The following PCDHA4 variants were observed in gnomAD, a reference collection of about 807,000 sequenced individuals.
The protein encoded by PCDHA4 is protocadherin alpha-4.
PCDHA4 carries 49 observed loss-of-function variants against 61.4 expected under a neutral mutation model. The ratio of observed to expected loss-of-function variants is 0.80; its 90% CI spans 0.63 to 1.01. The LOEUF is 1.01. Among genes scored for constraint, PCDHA4 ranks in the 50% least tolerant of loss-of-function variants. The pLI, the probability that PCDHA4 is intolerant of heterozygous loss-of-function variation, is 0.00. For synonymous variants in PCDHA4, 590 were observed against 550.3 expected, an observed-to-expected ratio of 1.07 and a Z score of -1.01; for missense variants, 1,254 against 1,235.8, an observed-to-expected ratio of 1.01 and a Z score of -0.22.
At chr5:140,906,766 C>T (rs1162031965) in intron 1 of PCDHA4, among the ~76,000 whole-genome samples, 1 of 152,224 alleles carries the variant, frequency 6.6e-6, no homozygotes, top group African/African-American at 2.4e-5. Flanking sequence ...TACTAAGAGA[C>T]ACCCTAAGGG....
rs2044359336 is a variant in PCDHA4 at position 140,857,099 on chromosome 5, G to A, written c.2385+47527G>A. On this transcript the variant is annotated intron_variant, in intron 1 of 3. Transcript: ENST00000530339. ...AAATGATAATTCACCTGAGGTGATT[G>A]TCACTTCTCTGTCTCTCCCAGTGAA... 2 of 1,597,238 alleles carry A rather than the reference G, an allele frequency of 1.3e-6. No homozygotes were observed. The highest frequency in any genetic ancestry group is 3.4e-5 in the Admixed American group (2 of 59,246).
chr5:140,862,256 A>C (rs2047276539), intron 1 of PCDHA4: 1 of 223,718 alleles, frequency 4.5e-6, no homozygotes, highest in Non-Finnish European at 8.9e-6. Context: ...TTCCAGAGTT[A>C]GCAGTAAGTC....
intron 1 of PCDHA4, among the ~76,000 whole-genome samples, chr5:140,898,221 T>C (rs1238265746): frequency 6.6e-6 from 1 of 152,230 alleles, no homozygotes; most frequent in South Asian, 2.1e-4. Flanking sequence ...ATTTTGGCTT[T>C]TGTTGCCATT....
At chr5:140,871,277 C>T (rs1187011496) in intron 1 of PCDHA4, 15 of 1,613,782 alleles carry the variant, frequency 9.3e-6, no homozygotes, top group Admixed American at 6.7e-5. Flanking sequence ...TGGTCGGCAA[C>T]GCCCACTGAG....
intron 1 of PCDHA4, among the ~76,000 whole-genome samples, chr5:140,839,342 G>T (rs1463316254): frequency 6.6e-6 from 1 of 150,532 alleles, no homozygotes; most frequent in East Asian, 2.0e-4. Context: ...GTTGATAGGG[G>T]ATCCTCCTTA....
intron 1 of PCDHA4, chr5:140,823,876 A>G: frequency 6.2e-7 from 1 of 1,613,886 alleles, no homozygotes; most frequent in Non-Finnish European, 8.5e-7. Context: ...GTACCTGATC[A>G]TCGCCATCTG....
chr5:140,920,400 T>C (rs1185930806), intron 1 of PCDHA4, among the ~76,000 whole-genome samples: 1 of 152,244 alleles, frequency 6.6e-6, no homozygotes, highest in Non-Finnish European at 1.5e-5. Context: ...TGGTGTCTTT[T>C]TTTAATCAGA....
rs781936039 is a variant in PCDHA4 at position 140,809,371 on chromosome 5, C to T, written c.2184C>T (p.Thr728=). 12 of 1,613,986 alleles carry T rather than the reference C, an allele frequency of 7.4e-6. No homozygotes were observed. In the Admixed American group the frequency reaches 8.3e-5, roughly 11 times the overall value. The change falls in exon 1 of 4, where the codon ACC becomes ACT. Residue 728 remains threonine (T), a synonymous_variant. Coordinates refer to ENST00000530339, the MANE Select transcript of PCDHA4 (RefSeq NM_018907.4). ...CGCTGCGGTGCTCTGCGCTGCCCAC[C>T]GAGGGCGCGTGCGCTCCGGGCAAGC... The part of the protein sequence containing the change: ...YTALRCSALP[T]EGACAPGKPT...
intron 1 of PCDHA4, among the ~76,000 whole-genome samples, chr5:140,886,029 T>C (rs1464446627): frequency 1.3e-5 from 2 of 152,180 alleles, no homozygotes; most frequent in Non-Finnish European, 2.9e-5. Context: ...TATTCTTCAC[T>C]AAGTTTTCCC....
At chr5:140,843,320 G>C in intron 1 of PCDHA4, 2 of 1,596,056 alleles carry the variant, frequency 1.3e-6, no homozygotes, top group Non-Finnish European at 1.7e-6. Context: ...CACGGTTCTG[G>C]TGTCGCTGGT....
chr5:140,812,370 TTTTG>T (rs1765093822), intron 1 of PCDHA4: 1 of 152,132 alleles, frequency 6.6e-6, no homozygotes, highest in Non-Finnish European at 1.5e-5. Flanking sequence ...CTTCCAGTCT[TTTTG>T]TTTTTTTCTT....
chr5:141,009,908 A>T lies in PCDHA4; in HGVS notation c.2815A>T (p.Asn939Tyr). ...NKTQEKKEKGNSTTDNSDQ is the reference protein window; with the variant it reads ...NKTQEKKEKGYSTTDNSDQ ...GACCCAGGAGAAAAAAGAGAAAGGG[A>T]ACAGCACGACTGACAACAGTGACCA... Residue 939 changes from asparagine to tyrosine, a missense_variant, in exon 4 of 4, where the codon AAC (asparagine) becomes TAC (tyrosine). Physicochemically the swap from Asn to Tyr is moderately radical, Grantham distance 143 (BLOSUM62 -2). Transcript: ENST00000530339. 1 of 1,612,966 alleles carries T rather than the reference A, an allele frequency of 6.2e-7. No individual in the cohort carries two copies. The highest frequency in any genetic ancestry group is 1.1e-5 in the South Asian group (1 of 90,886).
At chr5:140,869,975 T>C (rs1562636456) in intron 1 of PCDHA4, 1 of 1,613,324 alleles carries the variant, frequency 6.2e-7, no homozygotes, top group Non-Finnish European at 8.5e-7. Flanking sequence ...GGAAGACACT[T>C]ATTTACACTA....
At chr5:140,918,759 G>A (rs931610210) in intron 1 of PCDHA4, among the ~76,000 whole-genome samples, 7 of 152,130 alleles carry the variant, frequency 4.6e-5, no homozygotes, top group Non-Finnish European at 1.0e-4. Context: ...CCAGAGAGGT[G>A]CCTTGCCTCT....
rs368166956 is a variant in PCDHA4, at chr5:140,870,187, G to T, written c.2385+60615G>T. On this transcript the variant is annotated intron_variant, in intron 1 of 3. Coordinates refer to ENST00000530339, the MANE Select transcript of PCDHA4 (RefSeq NM_018907.4). Reference sequence around the variant, plus strand: ...CTTGTCCCTCCCAGTACGAGAGGACGCTCAGCCCAGCACGGTCATTGCCCT... The same window carrying T: ...CTTGTCCCTCCCAGTACGAGAGGACTCTCAGCCCAGCACGGTCATTGCCCT... 55 of 1,614,092 alleles carry T rather than the reference G, an allele frequency of 3.4e-5. No individual in the cohort carries two copies. The African/African-American group carries it at 6.5e-4, about 19-fold the overall frequency.
Position 141,009,469 on chromosome 5 carries a change from A to G in PCDHA4, c.2534-158A>G, listed in dbSNP as rs1440766583. On this transcript the variant is annotated intron_variant, in intron 3 of 3. Transcript: ENST00000530339. Reference sequence around the variant, plus strand: ...AAAAAAATTAAACAAATAAATAAATAAGTAAACACTTGCCTTGCCCTCAGA... The same window carrying G: ...AAAAAAATTAAACAAATAAATAAATGAGTAAACACTTGCCTTGCCCTCAGA... 6 of 956,242 alleles carry G rather than the reference A, an allele frequency of 6.3e-6. No homozygotes were observed. The African/African-American group carries it at 7.1e-5, about 11-fold the overall frequency. 59.2% of individuals were successfully genotyped at this position (956,242 alleles called of 1,614,324 possible). A position where few individuals can be genotyped will look rare whatever the true frequency, so the allele number is the denominator to read the frequency against.
intron 1 of PCDHA4, chr5:140,862,002 T>C (rs1430406580): frequency 6.4e-6 from 1 of 155,594 alleles, no homozygotes; most frequent in Non-Finnish European, 1.4e-5. Context: ...CACTGGTTAT[T>C]AGACTTAACC....
At chr5:140,843,834 GT>G in intron 1 of PCDHA4, 2 of 1,102,918 alleles carry the variant, frequency 1.8e-6, no homozygotes, top group Non-Finnish European at 2.6e-6. Flanking sequence ...ACATTGTTTA[GT>G]TTTTAGAAAC....
chr5:140,944,710 T>C (rs564606677), intron 1 of PCDHA4, among the ~76,000 whole-genome samples: 1 of 152,300 alleles, frequency 6.6e-6, no homozygotes, highest in East Asian at 1.9e-4. Flanking sequence ...TCAGGTTATT[T>C]TGCCTTTGAA....
Sources: allele counts gnomAD v4.1 joint callset (sites outside exome capture counted in the v4.1 genomes callset), GRCh38; gene constraint gnomAD v4.1.1; transcripts MANE v1.5; gene names NCBI Gene and HGNC (gene_info 2026-07-23, HGNC 2026-07-21).